The following RAD51B variants were observed in gnomAD, a reference collection of about 807,000 sequenced individuals.
RAD51B encodes the protein RAD51 paralog B.
A neutral mutation model predicts 42.2 loss-of-function variants in RAD51B; 38 were observed. That is an observed-to-expected ratio of 0.90 (90% CI 0.70 to 1.18). The LOEUF (loss-of-function observed/expected upper bound fraction) is 1.18. RAD51B is among the 50% of genes most tolerant of loss of function. The pLI is 0.00. For synonymous variants in RAD51B, 154 were observed against 145.2 expected (o/e 1.06, Z -0.43); for missense variants, 373 against 400.7 (o/e 0.93, Z 0.59).
At chr14:68,288,795 C>T (rs567817537) in intron 7 of RAD51B, among the ~76,000 whole-genome samples, 262 of 152,102 alleles carry the variant, frequency 1.7e-3, no homozygotes, top group Non-Finnish European at 2.8e-3. Flanking sequence ...TACTATTAAC[C>T]ATATCATTGG....
chr14:68,139,736 C>G (rs1053350926), intron 7 of RAD51B, among the ~76,000 whole-genome samples: 4 of 152,224 alleles, frequency 2.6e-5, no homozygotes, highest in Non-Finnish European at 5.9e-5. Flanking sequence ...TGGTAAAACA[C>G]TTTAAGCCTT....
Position 68,147,729 on chromosome 14 carries a change from G to A in RAD51B, c.757-144155G>A, listed in dbSNP as rs1021473748. On this transcript the variant is annotated intron_variant, in intron 7 of 10. Transcript: ENST00000471583. ...TATATTTTAAACAACTCTTACGGAAGGAGATTACAACACAGCTGGAAGGAA... is the reference window on the plus strand; with the variant it reads ...TATATTTTAAACAACTCTTACGGAAAGAGATTACAACACAGCTGGAAGGAA... Among the ~76,000 whole-genome samples, 9 of 150,876 alleles carry A rather than the reference G, an allele frequency of 6.0e-5. No homozygotes were observed. In the East Asian group the frequency reaches 1.7e-3, roughly 29 times the overall value.
intron 7 of RAD51B, among the ~76,000 whole-genome samples, chr14:67,953,021 A>G (rs899263490): frequency 2.0e-5 from 3 of 152,154 alleles, no homozygotes; most frequent in Admixed American, 6.6e-5. Context: ...AGTACAGAAC[A>G]CTATGCTAAG....
At chr14:67,981,116 G>C (rs1012918024) in intron 7 of RAD51B, among the ~76,000 whole-genome samples, 1 of 152,196 alleles carries the variant, frequency 6.6e-6, no homozygotes, top group African/African-American at 2.4e-5. Flanking sequence ...TTGGGAAGCC[G>C]AGGTGAGAGG....
intron 7 of RAD51B, among the ~76,000 whole-genome samples, chr14:68,138,980 T>C (rs1214327999): frequency 2.6e-5 from 4 of 152,214 alleles, no homozygotes; most frequent in African/African-American, 9.6e-5. Context: ...CCATATACTA[T>C]GGAAGAACCT....
intron 8 of RAD51B, among the ~76,000 whole-genome samples, chr14:68,331,738 G>A (rs867679337): frequency 1.3e-5 from 2 of 152,178 alleles, no homozygotes; most frequent in Non-Finnish European, 2.9e-5. Flanking sequence ...CAGCTTTTAA[G>A]TGAGTCTGCT....
intron 7 of RAD51B, among the ~76,000 whole-genome samples, chr14:68,028,626 GAA>G (rs2075991744): frequency 6.6e-6 from 1 of 152,182 alleles, no homozygotes; most frequent in South Asian, 2.1e-4. Flanking sequence ...TGGGGGATCT[GAA>G]GTGCTCCCAG....
chr14:68,636,028 T>TAATA (rs1892333162), intron 10 of RAD51B, among the ~76,000 whole-genome samples: 4 of 152,338 alleles, frequency 2.6e-5, no homozygotes, highest in Admixed American at 2.6e-4. Flanking sequence ...TTTCACCTGC[T>TAATA]AATAAAATTG....
intron 7 of RAD51B, among the ~76,000 whole-genome samples, chr14:68,276,381 A>C (rs911379744): frequency 1.3e-4 from 19 of 151,928 alleles, no homozygotes; most frequent in Admixed American, 3.3e-4. Context: ...TACTTGCTAC[A>C]TTTCATTTTA....
chr14:67,827,490 A>G (rs1272513669), intron 3 of RAD51B, among the ~76,000 whole-genome samples: 68 of 150,988 alleles, frequency 4.5e-4, no homozygotes, highest in Non-Finnish European at 8.8e-5. Flanking sequence ...CTTTTATTGT[A>G]AGTTCCGGGG....
At chr14:68,674,709 T>G (rs2140158430) in intron 11 of RAD51B, among the ~76,000 whole-genome samples, 1 of 152,234 alleles carries the variant, frequency 6.6e-6, no homozygotes, top group African/African-American at 2.4e-5. Flanking sequence ...CCCCTAAGTA[T>G]AAAATGGGAA....
At chr14:68,370,312 A>G (rs966892886) in intron 8 of RAD51B, among the ~76,000 whole-genome samples, 81 of 152,364 alleles carry the variant, frequency 5.3e-4, no homozygotes, top group African/African-American at 1.8e-3. Flanking sequence ...AACTGATCCA[A>G]TAATAATGAT....
intron 7 of RAD51B, among the ~76,000 whole-genome samples, chr14:67,918,295 C>CA (rs2044219901): frequency 6.6e-6 from 1 of 152,104 alleles, no homozygotes; most frequent in Non-Finnish European, 1.5e-5. Flanking sequence ...AGTGCAGTGG[C>CA]ATGATCCTGG....
chr14:67,823,594 C>A lies in RAD51B; in HGVS notation c.51C>A (p.Asp17Glu). 6.2e-7 allele frequency: 1 copy of A among 1,613,706 alleles called. No individual in the cohort carries two copies. The highest frequency in any genetic ancestry group is 1.1e-5 in the South Asian group (1 of 91,006). The part of the protein sequence containing the change: ...KRVGLSQELC[D>E]RLSRHQILTC... ...TGGGTTTATCACAAGAGCTGTGTGA[C>A]CGTCTGAGTAGACATCAGATCCTTA... The change falls in exon 2 of 11, where the codon GAC (aspartate) becomes GAA (glutamate). Residue 17 changes from aspartate (D) to glutamate (E), a missense_variant. Coordinates refer to ENST00000471583, the MANE Select transcript of RAD51B (RefSeq NM_133510.4).
intron 7 of RAD51B, among the ~76,000 whole-genome samples, chr14:67,925,743 G>T (rs2044484652): frequency 1.3e-5 from 2 of 152,226 alleles, no homozygotes; most frequent in African/African-American, 2.4e-5. Flanking sequence ...TGGGCATCCA[G>T]ATGTTTCCAA....
chr14:67,912,497 A>G (rs1227639957), intron 7 of RAD51B, among the ~76,000 whole-genome samples: 1 of 152,086 alleles, frequency 6.6e-6, no homozygotes, highest in East Asian at 1.9e-4. Context: ...TGCTCCCAAA[A>G]CTCATTCATC....
intron 8 of RAD51B, 151 bp downstream of exon 8, chr14:68,292,131 C>T: frequency 1.5e-6 from 1 of 663,658 alleles, no homozygotes; most frequent in Non-Finnish European, 2.6e-6. Flanking sequence ...GGCCACCTTT[C>T]CTGGCATCTG....
At chr14:68,194,057 A>C (rs550401652) in intron 7 of RAD51B, among the ~76,000 whole-genome samples, 1 of 152,350 alleles carries the variant, frequency 6.6e-6, no homozygotes, top group South Asian at 2.1e-4. Context: ...TTGTTTTAAG[A>C]ATTAAGCTTA....
chr14:68,475,652 C>CT lies in RAD51B; in HGVS notation c.1037-1986dup, dbSNP rs375653232. 3.3e-3 allele frequency among the ~76,000 whole-genome samples: 495 copies of CT among 149,994 alleles called. 3 individuals carry two copies. Among genetic ancestry groups the CT allele is most frequent in the African/African-American group, 0.012 (477 of 40,898 alleles). On this transcript the variant is annotated intron_variant, in intron 10 of 10. Coordinates refer to ENST00000471583, the MANE Select transcript of RAD51B (RefSeq NM_133510.4). ...TGGGTCCAAAGTCATAGACCAAACA[C>CT]TTTTTTTTTTCCAAAATGTTTTTTC...
Sources: gnomAD v4.1 joint callset for allele counts (sites outside exome capture counted in the v4.1 genomes callset) on GRCh38, gnomAD v4.1.1 for gene constraint, MANE v1.5 for transcripts, NCBI Gene and HGNC (gene_info 2026-07-23, HGNC 2026-07-21) for gene names.